OSBPL3: variants seen among roughly 807,000 people sequenced by gnomAD.
The protein encoded by OSBPL3 is oxysterol-binding protein-related protein 3.
In OSBPL3, 65 loss-of-function variants were observed where a neutral mutation model predicts 120.1. The ratio of observed to expected loss-of-function variants is 0.54; its 90% CI spans 0.44 to 0.67. OSBPL3 has a LOEUF of 0.67. Ranked by LOEUF, OSBPL3 falls within the 30% of genes least tolerant of loss-of-function variation. OSBPL3 has a pLI of 0.00. For missense variants in OSBPL3, 1,004 were observed against 1,082.1 expected, an observed-to-expected ratio of 0.93 and a Z score of 1.01; for synonymous variants, 416 against 402.6, an observed-to-expected ratio of 1.03 and a Z score of -0.40.
rs554787681 is a variant in OSBPL3, at chr7:24,831,117, T to C, written c.1747-212A>G. ...AAATTAACCCAATGTTTTAAAGCTG[T>C]CCATTTATCTTGATGCCTAAAAGTT... On this transcript the variant is annotated intron_variant, in intron 15 of 22. Coordinates refer to ENST00000313367, the MANE Select transcript of OSBPL3 (RefSeq NM_015550.4). The surrounding 1 kb of genome is among the most constrained non-coding windows in gnomAD (Gnocchi z 4.0). Among the ~76,000 whole-genome samples the C allele has an allele frequency of 2.0e-4, 31 of 152,334 alleles. No homozygotes were observed. Among genetic ancestry groups the C allele is most frequent in the African/African-American group, 7.5e-4 (31 of 41,574 alleles).
At chr7:24,885,962 CAA>C (rs1361919743) in intron 2 of OSBPL3, among the ~76,000 whole-genome samples, 1 of 152,142 alleles carries the variant, frequency 6.6e-6, no homozygotes, top group African/African-American at 2.4e-5. Flanking sequence ...GGGAAAAAGA[CAA>C]GAGGAAATTG....
At chr7:24,906,793 A>G (rs895777831) in intron 1 of OSBPL3, among the ~76,000 whole-genome samples, 1 of 151,990 alleles carries the variant, frequency 6.6e-6, no homozygotes, top group Non-Finnish European at 1.5e-5. Flanking sequence ...GCAGTCACCA[A>G]AGTTTTGTCC....
intron 1 of OSBPL3, among the ~76,000 whole-genome samples, chr7:24,893,727 G>A (rs943991043): frequency 2.8e-5 from 4 of 143,184 alleles, no homozygotes; most frequent in Non-Finnish European, 4.6e-5. Flanking sequence ...CAGGAGAATC[G>A]CTTGAAACCG....
chr7:24,888,922 T>C (rs940019659), intron 2 of OSBPL3, among the ~76,000 whole-genome samples: 21 of 152,334 alleles, frequency 1.4e-4, no homozygotes, highest in African/African-American at 5.1e-4. Flanking sequence ...AAAATGACTT[T>C]AAAAAACCAT....
intron 1 of OSBPL3, among the ~76,000 whole-genome samples, chr7:24,914,303 A>G (rs1024731305): frequency 6.6e-6 from 1 of 151,888 alleles, no homozygotes; most frequent in Admixed American, 6.6e-5. Flanking sequence ...AAGTTCTACC[A>G]GCCAGTAGCA....
In OSBPL3 at chr7:24,900,005, G is replaced by A. The variant is rs1285144126; in HGVS notation, c.-149-7384C>T. 6.6e-6 allele frequency among the ~76,000 whole-genome samples: 1 copy of A among 152,192 alleles called. No homozygotes were observed. The highest frequency in any genetic ancestry group is 2.4e-5 in the African/African-American group (1 of 41,440). On this transcript the variant is annotated intron_variant, in intron 1 of 22. Transcript: ENST00000313367. This position sits in a 1 kb window ranked among gnomAD's most constrained non-coding sequence, Gnocchi z 4.5. ...ACTCCAAGCCAATCCTTCTATTTGT[G>A]TATGTGTGACGTGGCAGAGGGTAGG...
rs957649976 is a variant in OSBPL3 at position 24,808,209 on chromosome 7, T to C, written c.2318-1307A>G. On this transcript the variant is annotated intron_variant, in intron 20 of 22. Coordinates refer to ENST00000313367, the MANE Select transcript of OSBPL3 (RefSeq NM_015550.4). The surrounding 1 kb of genome is among the most constrained non-coding windows in gnomAD (Gnocchi z 4.6). Reference sequence around the variant, plus strand: ...AGCCACCATGCCCGACTGGGACCCATTTTTTGAATCTTCATAAGTCCTCCT... The same window carrying C: ...AGCCACCATGCCCGACTGGGACCCACTTTTTGAATCTTCATAAGTCCTCCT... Among the ~76,000 whole-genome samples the C allele has an allele frequency of 6.6e-6, 1 of 152,186 alleles. No individual in the cohort carries two copies. The highest frequency in any genetic ancestry group is 1.5e-5 in the Non-Finnish European group (1 of 68,034).
chr7:24,958,163 G>C (rs1467642939), intron 1 of OSBPL3, among the ~76,000 whole-genome samples: 1 of 152,082 alleles, frequency 6.6e-6, no homozygotes, highest in Non-Finnish European at 1.5e-5. Flanking sequence ...CCTCCATAGA[G>C]GTTTAGAGCA....
At chr7:24,838,614 C>G (rs987964978) in intron 14 of OSBPL3, among the ~76,000 whole-genome samples, 1 of 152,212 alleles carries the variant, frequency 6.6e-6, no homozygotes, top group African/African-American at 2.4e-5. Flanking sequence ...CAGCTGTGGA[C>G]TTAGGTTCTG....
At chr7:24,954,108 T>C (rs1157863890) in intron 1 of OSBPL3, among the ~76,000 whole-genome samples, 1 of 152,206 alleles carries the variant, frequency 6.6e-6, no homozygotes, top group Non-Finnish European at 1.5e-5. Flanking sequence ...ATCTTTTTCA[T>C]GCAGGCAAAC....
At chr7:24,864,843 A>G (rs1801077022) in intron 7 of OSBPL3, among the ~76,000 whole-genome samples, 1 of 152,174 alleles carries the variant, frequency 6.6e-6, no homozygotes, top group Non-Finnish European at 1.5e-5. Context: ...TTGGAAAATT[A>G]GTGATATCAG....
intron 1 of OSBPL3, among the ~76,000 whole-genome samples, chr7:24,957,713 G>GT (rs1377334050): frequency 6.6e-6 from 1 of 152,052 alleles, no homozygotes; most frequent in Non-Finnish European, 1.5e-5. Context: ...CTTGGTTACT[G>GT]TGAGAACAGC....
chr7:24,828,777 A>T (rs537904429), intron 16 of OSBPL3, among the ~76,000 whole-genome samples: 314 of 111,876 alleles, frequency 2.8e-3, no homozygotes, highest in African/African-American at 7.5e-3. Flanking sequence ...TTTTTTTTTT[A>T]AAAAGGAAGG....
rs1812793877 is a variant in OSBPL3, at chr7:24,939,161, A to G, written c.-150+40725T>C. ...GAGAAAGAAAGAGAAAAGATAAATG[A>G]AGAAAACTAAGACATCAAGAATATT... On this transcript the variant is annotated intron_variant, in intron 1 of 22. Transcript: ENST00000313367. This position sits in a 1 kb window ranked among gnomAD's most constrained non-coding sequence, Gnocchi z 4.2. Among the ~76,000 whole-genome samples the G allele has an allele frequency of 6.6e-6, 1 of 152,154 alleles. No homozygotes were observed. Among genetic ancestry groups the G allele is most frequent in the Non-Finnish European group, 1.5e-5 (1 of 68,030 alleles).
intron 9 of OSBPL3, 87 bp from the exon 10 acceptor site, chr7:24,861,856 A>G: frequency 1.1e-6 from 1 of 929,858 alleles, no homozygotes; most frequent in Non-Finnish European, 1.6e-6. Context: ...ACATGGTAAT[A>G]CAAATACAAA....
At chr7:24,810,838 G>A (rs1042174964) in intron 19 of OSBPL3, among the ~76,000 whole-genome samples, 63 of 152,292 alleles carry the variant, frequency 4.1e-4, no homozygotes, top group African/African-American at 1.3e-3. Flanking sequence ...CATCTATGTT[G>A]TCACAAATGA....
chr7:24,826,195 G>A (rs1465454963), intron 16 of OSBPL3, among the ~76,000 whole-genome samples: 1 of 152,208 alleles, frequency 6.6e-6, no homozygotes, highest in Non-Finnish European at 1.5e-5. Flanking sequence ...GAACAGTAAG[G>A]AAAGAAGGGA....
chr7:24,815,281 A>G lies in OSBPL3; in HGVS notation c.2028-78T>C. 8.6e-7 allele frequency: 1 copy of G among 1,165,376 alleles called. No individual in the cohort carries two copies. The highest frequency in any genetic ancestry group is 1.3e-5 in the South Asian group (1 of 76,568). The allele number at this position is 1,165,376 out of a possible 1,614,324, so 72.2% of individuals were successfully genotyped here. A position where few individuals can be genotyped will look rare whatever the true frequency, so the allele number is the denominator to read the frequency against. On this transcript the variant is annotated intron_variant, in intron 18 of 22. Transcript: ENST00000313367. The surrounding 1 kb of genome is among the most constrained non-coding windows in gnomAD (Gnocchi z 5.1). ...ATGCAAACAAACTCTGCTCTTTTAT[A>G]AAATAAGTCATGCAATGCATTATTC... is the stretch of plus-strand genomic sequence containing the variant.
At chr7:24,973,989 T>A (rs987325857) in intron 1 of OSBPL3, among the ~76,000 whole-genome samples, 2 of 152,214 alleles carry the variant, frequency 1.3e-5, no homozygotes, top group African/African-American at 4.8e-5. Flanking sequence ...TAGTTTTAAT[T>A]ACACAGTATT....
Sources: allele counts gnomAD v4.1 joint callset (sites outside exome capture counted in the v4.1 genomes callset), GRCh38; gene constraint gnomAD v4.1.1; non-coding constraint Gnocchi (gnomAD v3.1); transcripts MANE v1.5; gene names NCBI Gene and HGNC (gene_info 2026-07-23, HGNC 2026-07-21).